The following FBXL17 variants were observed in gnomAD, a reference collection of about 807,000 sequenced individuals.
FBXL17 encodes F-box and leucine rich repeat protein 17.
Under a neutral mutation model 66.2 loss-of-function variants are expected in FBXL17, and 22 were observed. The observed-to-expected ratio is 0.33, with a 90% confidence interval of 0.24 to 0.47. The LOEUF is 0.47. FBXL17 is among the 20% of genes least tolerant of loss of function. The probability of loss-of-function intolerance (pLI) is 1.00; values close to 1 mark genes in which losing one functional copy is unlikely to be tolerated. For synonymous variants in FBXL17, 474 were observed against 400.5 expected (o/e 1.18, Z -2.19); for missense variants, 878 against 948.2 (o/e 0.93, Z 0.97).
intron 8 of FBXL17, among the ~76,000 whole-genome samples, chr5:107,864,641 T>A (rs1748223075): frequency 6.6e-6 from 1 of 152,126 alleles, no homozygotes. Context: ...GAGATCTGGT[T>A]GTTTAAAAGT....
chr5:107,889,634 C>T (rs1186706728), intron 7 of FBXL17, among the ~76,000 whole-genome samples: 3 of 152,154 alleles, frequency 2.0e-5, no homozygotes, highest in Non-Finnish European at 2.9e-5. Context: ...GGCTCTCCTG[C>T]CCTGTAACTC....
intron 6 of FBXL17, among the ~76,000 whole-genome samples, chr5:108,122,837 T>G (rs1750556124): frequency 6.6e-6 from 1 of 152,096 alleles, no homozygotes; most frequent in African/African-American, 2.4e-5. Flanking sequence ...CTAGAGCATT[T>G]TGGAAAAGCA....
intron 7 of FBXL17, among the ~76,000 whole-genome samples, chr5:107,901,985 A>C (rs938699019): frequency 1.3e-5 from 2 of 152,292 alleles, no homozygotes; most frequent in South Asian, 2.1e-4. Flanking sequence ...GAGAGACTTG[A>C]AATAGACTTT....
intron 4 of FBXL17, among the ~76,000 whole-genome samples, chr5:108,280,739 A>AG (rs1757669726): frequency 6.6e-6 from 1 of 151,748 alleles, no homozygotes; most frequent in Non-Finnish European, 1.5e-5. Context: ...AATTAAAAAA[A>AG]AAACATGATC....
chr5:108,299,712 C>G (rs746812182), intron 4 of FBXL17: 44 of 984,556 alleles, frequency 4.5e-5, no homozygotes, highest in Non-Finnish European at 5.2e-5. Flanking sequence ...CCAGTAATGC[C>G]TGGGTCCCTA....
intron 7 of FBXL17, among the ~76,000 whole-genome samples, chr5:107,948,605 T>C (rs1051174947): frequency 8.5e-5 from 13 of 152,218 alleles, no homozygotes; most frequent in African/African-American, 2.9e-4. Context: ...TCCATAAACC[T>C]GGCTGTGCCA....
At chr5:108,379,293 A>G (rs1410936642) in intron 1 of FBXL17, among the ~76,000 whole-genome samples, 1 of 152,186 alleles carries the variant, frequency 6.6e-6, no homozygotes, top group Non-Finnish European at 1.5e-5. Context: ...TCTATACCAA[A>G]TATTTGTTGA....
At chr5:108,283,811 C>A (rs931859536) in intron 4 of FBXL17, among the ~76,000 whole-genome samples, 14 of 151,704 alleles carry the variant, frequency 9.2e-5, no homozygotes, top group Admixed American at 5.3e-4. Context: ...ACAGAATATA[C>A]AAAGAACTCA....
chr5:108,189,172 T>G (rs1306951368), intron 5 of FBXL17, among the ~76,000 whole-genome samples: 1 of 152,104 alleles, frequency 6.6e-6, no homozygotes, highest in Non-Finnish European at 1.5e-5. Flanking sequence ...AGACATGGCT[T>G]AGCTGTGTCC....
At chr5:108,126,886 C>A (rs1750738124) in intron 6 of FBXL17, among the ~76,000 whole-genome samples, 1 of 151,522 alleles carries the variant, frequency 6.6e-6, no homozygotes, top group Non-Finnish European at 1.5e-5. Context: ...AAGAAAATAT[C>A]GTGTCAACTA....
At chr5:108,069,169 GA>G (rs1748233217) in intron 6 of FBXL17, among the ~76,000 whole-genome samples, 1 of 152,084 alleles carries the variant, frequency 6.6e-6, no homozygotes, top group Non-Finnish European at 1.5e-5. Flanking sequence ...GGAGAAATAA[GA>G]AAAACTACCC....
chr5:108,012,487 C>A (rs968234807), intron 7 of FBXL17, among the ~76,000 whole-genome samples: 1 of 151,950 alleles, frequency 6.6e-6, no homozygotes, highest in East Asian at 1.9e-4. Flanking sequence ...TTTTCATATG[C>A]AGATTAACAA....
intron 6 of FBXL17, among the ~76,000 whole-genome samples, chr5:108,118,063 T>C (rs934111369): frequency 1.3e-5 from 2 of 152,206 alleles, no homozygotes; most frequent in Non-Finnish European, 1.5e-5. Flanking sequence ...CTTAATGATA[T>C]GGTATAGTTC....
At position 108,380,862 on chromosome 5, in the gene FBXL17, TC is replaced by T; in HGVS notation, c.829del (p.Asp277ThrfsTer81). ...SEGAPTEAGG[D>X]AVRAGGTAPL... is the part of the protein sequence containing the mutation. ...GGCGGTGCCCCCGGCTCGGACAGCG[TC>T]CCCGCCAGCTTCGGTGGGGGCACCT... On this transcript the variant is annotated frameshift_variant, in exon 1 of 9. Transcript: ENST00000542267. LOFTEE classifies it high-confidence loss of function. 8.0e-7 allele frequency: 1 copy of T among 1,244,342 alleles called. No homozygotes were observed. The highest frequency in any genetic ancestry group is 1.0e-6 in the Non-Finnish European group (1 of 987,800). 77.1% of individuals were successfully genotyped at this position (1,244,342 alleles called of 1,614,324 possible). A position where few individuals can be genotyped will look rare whatever the true frequency, so the allele number is the denominator to read the frequency against.
chr5:108,058,878 A>G (rs946715050), intron 6 of FBXL17, among the ~76,000 whole-genome samples: 7 of 152,214 alleles, frequency 4.6e-5, no homozygotes, highest in African/African-American at 1.2e-4. Flanking sequence ...AGGAACACTC[A>G]GTATATTTGA....
chr5:108,040,660 A>C (rs2112802360), intron 6 of FBXL17, among the ~76,000 whole-genome samples: 1 of 152,312 alleles, frequency 6.6e-6, no homozygotes, highest in Admixed American at 6.5e-5. Context: ...CTACATAATT[A>C]TTTTATATTT....
chr5:108,121,944 A>G (rs1580471347), intron 6 of FBXL17, among the ~76,000 whole-genome samples: 1 of 152,286 alleles, frequency 6.6e-6, no homozygotes, highest in South Asian at 2.1e-4. Context: ...TATTTTTAAC[A>G]TCTACTCCAA....
chr5:107,959,234 T>C (rs1447009548), intron 7 of FBXL17, among the ~76,000 whole-genome samples: 1 of 152,128 alleles, frequency 6.6e-6, no homozygotes, highest in Non-Finnish European at 1.5e-5. Context: ...GCCCTGGGTC[T>C]AGCAGGGTAC....
intron 4 of FBXL17, among the ~76,000 whole-genome samples, chr5:108,291,952 T>C (rs2083379926): frequency 6.6e-6 from 1 of 152,164 alleles, no homozygotes; most frequent in African/African-American, 2.4e-5. Context: ...TCATCATTTC[T>C]TTCCTGTACT....
Sources: allele counts gnomAD v4.1 joint callset (sites outside exome capture counted in the v4.1 genomes callset), GRCh38; gene constraint gnomAD v4.1.1; transcripts MANE v1.5; gene names NCBI Gene and HGNC (gene_info 2026-07-23, HGNC 2026-07-21).